The following PTPRT variants were observed in gnomAD, a reference collection of about 807,000 sequenced individuals.
PTPRT encodes protein tyrosine phosphatase receptor type T, also known as receptor-type tyrosine-protein phosphatase T.
In PTPRT, 56 loss-of-function variants were observed where a neutral mutation model predicts 176.8. The ratio of observed to expected loss-of-function variants is 0.32; its 90% CI spans 0.26 to 0.40. The LOEUF (loss-of-function observed/expected upper bound fraction) is 0.40. Among genes scored for constraint, PTPRT ranks in the 10% least tolerant of loss-of-function variants. PTPRT has a pLI of 1.00. For synonymous variants in PTPRT, 783 were observed against 739.0 expected, an observed-to-expected ratio of 1.06 and a Z score of -0.96; for missense variants, 1,540 against 1,908.2, an observed-to-expected ratio of 0.81 and a Z score of 3.60.
At chr20:42,235,910 A>G (rs1047833630) in intron 15 of PTPRT, among the ~76,000 whole-genome samples, 15 of 152,234 alleles carry the variant, frequency 9.9e-5, no homozygotes, top group Non-Finnish European at 1.9e-4. Context: ...TGCAAGTCCT[A>G]CAGCAGGATT....
intron 1 of PTPRT, among the ~76,000 whole-genome samples, chr20:43,150,220 C>T (rs1310675634): frequency 2.0e-5 from 3 of 152,170 alleles, no homozygotes; most frequent in Non-Finnish European, 2.9e-5. Flanking sequence ...GGTAGCCACA[C>T]TCGAAAGGCT....
intron 1 of PTPRT, among the ~76,000 whole-genome samples, chr20:43,132,056 C>T (rs1182759361): frequency 2.0e-5 from 3 of 151,950 alleles, no homozygotes; most frequent in African/African-American, 4.8e-5. Flanking sequence ...AAATAATCAG[C>T]ACAGTACTTA....
intron 11 of PTPRT, among the ~76,000 whole-genome samples, chr20:42,338,870 T>C (rs2058075368): frequency 1.3e-5 from 2 of 152,154 alleles, no homozygotes; most frequent in South Asian, 4.1e-4. Context: ...GTCTGAAGGT[T>C]AAAAACCTTC....
At chr20:42,184,484 CCCT>C (rs1197226176) in intron 16 of PTPRT, among the ~76,000 whole-genome samples, 4 of 136,690 alleles carry the variant, frequency 2.9e-5, no homozygotes, top group Non-Finnish European at 4.7e-5. Flanking sequence ...TTCCTTTCTT[CCCT>C]CCTTCCTCCC....
intron 7 of PTPRT, among the ~76,000 whole-genome samples, chr20:42,648,820 G>GTTGTTTTTTT (rs1310734163): frequency 1.8e-5 from 2 of 111,834 alleles, no homozygotes; most frequent in African/African-American, 7.5e-5. Flanking sequence ...TGGTGTCGTT[G>GTTGTTTTTTT]TTTTTTTTTT....
At chr20:42,933,906 C>G (rs116484002) in intron 1 of PTPRT, among the ~76,000 whole-genome samples, 330 of 152,326 alleles carry the variant, frequency 2.2e-3, no homozygotes, top group African/African-American at 7.4e-3. Context: ...GCCCAGTGAG[C>G]CATACAATCA....
At chr20:42,496,057 ATAT>A (rs2071648339) in intron 7 of PTPRT, among the ~76,000 whole-genome samples, 1 of 152,170 alleles carries the variant, frequency 6.6e-6, no homozygotes, top group Non-Finnish European at 1.5e-5. Context: ...AGAGAAAAAA[ATAT>A]TATTAGGGAA....
At chr20:42,632,560 T>G (rs569073935) in intron 7 of PTPRT, among the ~76,000 whole-genome samples, 1 of 152,052 alleles carries the variant, frequency 6.6e-6, no homozygotes, top group South Asian at 2.1e-4. Context: ...CCGTTCACTG[T>G]TAATCTGTAT....
chr20:42,410,245 G>A (rs1321328689), intron 9 of PTPRT, among the ~76,000 whole-genome samples: 1 of 151,848 alleles, frequency 6.6e-6, no homozygotes, highest in African/African-American at 2.4e-5. Context: ...AAGTAACAAA[G>A]GAGTAGGTTT....
intron 7 of PTPRT, among the ~76,000 whole-genome samples, chr20:42,496,322 T>C (rs1214168067): frequency 6.6e-6 from 1 of 152,186 alleles, no homozygotes; most frequent in Non-Finnish European, 1.5e-5. Context: ...TTTTTATTTC[T>C]CTCAAAAATG....
intron 23 of PTPRT, 76 bp from the exon 24 acceptor site, chr20:42,106,997 C>T: frequency 6.5e-7 from 1 of 1,545,788 alleles, no homozygotes; most frequent in Non-Finnish European, 8.8e-7. Flanking sequence ...AGCATTCAGC[C>T]CTATCCCCAA....
At chr20:42,747,590 G>A (rs1374519203) in intron 6 of PTPRT, among the ~76,000 whole-genome samples, 1 of 152,204 alleles carries the variant, frequency 6.6e-6, no homozygotes, top group Non-Finnish European at 1.5e-5. Context: ...TCTCTGAGAA[G>A]CTGAAGTCTG....
At chr20:42,724,264 G>C (rs1289089903) in intron 6 of PTPRT, among the ~76,000 whole-genome samples, 1 of 152,088 alleles carries the variant, frequency 6.6e-6, no homozygotes, top group Non-Finnish European at 1.5e-5. Flanking sequence ...ATCAACACCA[G>C]CTGTGTGGTT....
intron 1 of PTPRT, among the ~76,000 whole-genome samples, chr20:42,999,968 T>C (rs1479167097): frequency 2.0e-5 from 3 of 151,176 alleles, no homozygotes; most frequent in African/African-American, 4.9e-5. Flanking sequence ...GGATATGCCC[T>C]CAAGTCAGTG....
the PTPRT span, among the ~76,000 whole-genome samples, chr20:42,044,624 T>G: frequency 2.0e-5 from 3 of 152,194 alleles, no homozygotes; most frequent in Non-Finnish European, 4.4e-5. Context: ...ATAAGTAAAA[T>G]AATGTTAAGT....
chr20:42,656,248 G>T (rs548234994), intron 7 of PTPRT, among the ~76,000 whole-genome samples: 2 of 152,176 alleles, frequency 1.3e-5, no homozygotes, highest in Non-Finnish European at 2.9e-5. Context: ...GAAAATAGAG[G>T]GATGGATGTG....
At chr20:42,439,518 A>T (rs2059293380) in intron 9 of PTPRT, among the ~76,000 whole-genome samples, 1 of 152,220 alleles carries the variant, frequency 6.6e-6, no homozygotes, top group Non-Finnish European at 1.5e-5. Context: ...AAAAATTAAC[A>T]CTTAGCAACT....
chr20:42,725,515 G>T (rs1324501505), intron 6 of PTPRT, among the ~76,000 whole-genome samples: 2 of 151,902 alleles, frequency 1.3e-5, no homozygotes, highest in African/African-American at 4.8e-5. Context: ...AGAAGGGAAG[G>T]GTGGCCAAGG....
chr20:42,484,342 A>G (rs1236541034), intron 7 of PTPRT, among the ~76,000 whole-genome samples: 1 of 152,198 alleles, frequency 6.6e-6, no homozygotes, highest in African/African-American at 2.4e-5. Context: ...ACAAATCAAA[A>G]TAAAGCTATT....
Sources: allele counts gnomAD v4.1 joint callset (sites outside exome capture counted in the v4.1 genomes callset), GRCh38; gene constraint gnomAD v4.1.1; transcripts MANE v1.5; gene names NCBI Gene and HGNC (gene_info 2026-07-23, HGNC 2026-07-21).